The following GRB10 variants were observed in gnomAD, a reference collection of about 807,000 sequenced individuals.
GRB10 encodes the protein growth factor receptor bound protein 10.
A neutral mutation model predicts 80.9 loss-of-function variants in GRB10; 20 were observed. The ratio of observed to expected loss-of-function variants is 0.25; its 90% CI spans 0.17 to 0.36. GRB10 has a LOEUF of 0.36. GRB10 is among the 10% of genes least tolerant of loss of function. GRB10 has a pLI of 1.00. For synonymous variants in GRB10, 291 were observed against 291.5 expected (o/e 1.00, Z 0.02); for missense variants, 548 against 747.7 (o/e 0.73, Z 3.12).
intron 17 of GRB10, among the ~76,000 whole-genome samples, chr7:50,598,116 G>A (rs571968138): frequency 7.2e-5 from 11 of 152,044 alleles, no homozygotes; most frequent in Non-Finnish European, 1.2e-4. Context: ...CGCCCACCTC[G>A]GCCTCCCAAA....
At chr7:50,785,825 C>T (rs768093907), upstream of GRB10, among the ~76,000 whole-genome samples, 1 of 151,956 alleles carries the variant, frequency 6.6e-6, no homozygotes, top group South Asian at 2.1e-4. Context: ...AGAGAAGAAA[C>T]GATACACAAA....
chr7:50,705,660 T>A (rs1271107139), intron 4 of GRB10, among the ~76,000 whole-genome samples: 2 of 152,184 alleles, frequency 1.3e-5, no homozygotes, highest in African/African-American at 2.4e-5. Context: ...ATCTTCCACA[T>A]ATTGTGTTTT....
chr7:50,711,000 G>T, intron 4 of GRB10: 1 of 982,210 alleles, frequency 1.0e-6, no homozygotes, highest in South Asian at 1.3e-5. Context: ...CCTGGAGAAC[G>T]GCACAGAAGG....
intron 7 of GRB10, among the ~76,000 whole-genome samples, chr7:50,650,011 G>A (rs1393588840): frequency 6.6e-6 from 1 of 152,190 alleles, no homozygotes; most frequent in Non-Finnish European, 1.5e-5. Context: ...CTGACGGCAT[G>A]GGGCCAGATG....
At chr7:50,735,299 A>G (rs971962446) in intron 3 of GRB10, among the ~76,000 whole-genome samples, 4 of 152,256 alleles carry the variant, frequency 2.6e-5, no homozygotes, top group African/African-American at 9.6e-5. Flanking sequence ...CTAAAAGAAT[A>G]AAGACATAAA....
intron 6 of GRB10, among the ~76,000 whole-genome samples, chr7:50,670,138 C>T (rs76602404): frequency 0.2 from 29,798 of 152,116 alleles, 3,879 homozygotes; most frequent in East Asian, 0.52. Flanking sequence ...GGCTACGACA[C>T]GGATGAACCC....
chr7:50,770,661 G>C (rs539217577), intron 2 of GRB10, among the ~76,000 whole-genome samples: 1 of 152,304 alleles, frequency 6.6e-6, no homozygotes, highest in African/African-American at 2.4e-5. Context: ...AATAGCATAA[G>C]ACTGATTGCA....
chr7:50,622,825 T>C (rs1207247328), intron 8 of GRB10, among the ~76,000 whole-genome samples: 4 of 152,010 alleles, frequency 2.6e-5, no homozygotes, highest in Non-Finnish European at 4.4e-5. Flanking sequence ...AGGGTCTTGT[T>C]CTGTCAAGCA....
chr7:50,679,758 G>C (rs2061353317), intron 5 of GRB10, among the ~76,000 whole-genome samples: 1 of 152,158 alleles, frequency 6.6e-6, no homozygotes, highest in African/African-American at 2.4e-5. Flanking sequence ...CACTTTACAT[G>C]AAAAGTCTCT....
upstream of GRB10, among the ~76,000 whole-genome samples, chr7:50,787,369 T>C (rs2153715870): frequency 6.6e-6 from 1 of 152,392 alleles, no homozygotes; most frequent in South Asian, 2.1e-4. Context: ...AATCTGCTGA[T>C]AAGTTACTTC....
At chr7:50,716,602 T>A (rs1045900397) in intron 4 of GRB10, among the ~76,000 whole-genome samples, 6 of 152,170 alleles carry the variant, frequency 3.9e-5, no homozygotes, top group Admixed American at 1.3e-4. Flanking sequence ...AAGCAAAGCA[T>A]GAGTGATAAG....
intron 6 of GRB10, among the ~76,000 whole-genome samples, chr7:50,670,334 A>G (rs2060230624): frequency 6.6e-6 from 1 of 152,176 alleles, no homozygotes; most frequent in African/African-American, 2.4e-5. Context: ...ATAAGATGAG[A>G]AAGTTCTGGA....
intron 3 of GRB10, among the ~76,000 whole-genome samples, chr7:50,744,935 A>C (rs1587775862): frequency 6.6e-6 from 1 of 152,326 alleles, no homozygotes; most frequent in East Asian, 1.9e-4. Flanking sequence ...TCTGTCAACA[A>C]ATGGCTCCAT....
At chr7:50,681,764 A>T (rs988222195) in intron 5 of GRB10, among the ~76,000 whole-genome samples, 2 of 152,066 alleles carry the variant, frequency 1.3e-5, no homozygotes, top group African/African-American at 4.8e-5. Context: ...TCAAGTTTCC[A>T]TTTGCATTTT....
intron 4 of GRB10, among the ~76,000 whole-genome samples, chr7:50,709,178 C>T (rs1407106346): frequency 6.6e-6 from 1 of 152,228 alleles, no homozygotes; most frequent in Non-Finnish European, 1.5e-5. Flanking sequence ...GGCAGAAACA[C>T]CACCTTCATA....
rs148910794 is a variant in GRB10 at position 50,773,424 on chromosome 7, A to AGGGAAG, written c.-217+7197_-217+7202dup. Among the ~76,000 whole-genome samples the AGGGAAG allele has an allele frequency of 3.9e-3, 115 of 29,510 alleles. 4 individuals carry two copies. The highest frequency in any genetic ancestry group is 0.024 in the East Asian group (12 of 492). The allele number at this position is 29,510 out of a possible 152,430, so 19.4% of individuals were successfully genotyped here. A position where few individuals can be genotyped will look rare whatever the true frequency, so the allele number is the denominator to read the frequency against. ...AAGGGGAAGGGGAAGGGGACGGGGA[A>AGGGAAG]GGGAAGGGGAAGGGGAGAAAGGGGA... On this transcript the variant is annotated intron_variant, in intron 2 of 18. Coordinates refer to ENST00000401949, the MANE Select transcript of GRB10 (RefSeq NM_001350814.2).
At chr7:50,737,874 C>CA (rs949506632) in intron 3 of GRB10, among the ~76,000 whole-genome samples, 18 of 151,780 alleles carry the variant, frequency 1.2e-4, no homozygotes, top group South Asian at 4.2e-4. Flanking sequence ...AACAAAGAAA[C>CA]AAAAAAAACA....
At chr7:50,701,484 G>A (rs1038690345) in intron 5 of GRB10, among the ~76,000 whole-genome samples, 1 of 152,162 alleles carries the variant, frequency 6.6e-6, no homozygotes, top group African/African-American at 2.4e-5. Flanking sequence ...CCAGGTACTC[G>A]GGAGGCTGAG....
intron 3 of GRB10, among the ~76,000 whole-genome samples, chr7:50,738,357 T>C (rs910362357): frequency 1.4e-4 from 21 of 152,334 alleles, no homozygotes; most frequent in Middle Eastern, 3.4e-3. Flanking sequence ...CTATTCACAA[T>C]AGCCAAAAGG....
Sources: allele counts gnomAD v4.1 joint callset (sites outside exome capture counted in the v4.1 genomes callset), GRCh38; gene constraint gnomAD v4.1.1; transcripts MANE v1.5; gene names NCBI Gene and HGNC (gene_info 2026-07-23, HGNC 2026-07-21).